Variants in CDH11 observed in about 807,000 individuals in gnomAD.
CDH11 encodes the protein cadherin-11.
CDH11 carries 11 observed loss-of-function variants against 67.8 expected under a neutral mutation model. That is an observed-to-expected ratio of 0.16 (90% CI 0.10 to 0.27). The LOEUF is 0.27. Among genes scored for constraint, CDH11 ranks in the 10% least tolerant of loss-of-function variants. CDH11 has a pLI of 1.00. For missense variants in CDH11, 847 were observed against 1,031.2 expected, an observed-to-expected ratio of 0.82 and a Z score of 2.45; for synonymous variants, 419 against 400.0, an observed-to-expected ratio of 1.05 and a Z score of -0.57.
chr16:65,058,106 C>G (rs2074176683), intron 1 of CDH11, among the ~76,000 whole-genome samples: 1 of 152,030 alleles, frequency 6.6e-6, no homozygotes, highest in Admixed American at 6.6e-5. Context: ...GCCTGTAGTC[C>G]CAGCTACTGA....
At chr16:65,065,970 T>C (rs1289836072) in intron 1 of CDH11, among the ~76,000 whole-genome samples, 1 of 152,268 alleles carries the variant, frequency 6.6e-6, no homozygotes. Context: ...GGTGAGTTAC[T>C]GATGCCACCT....
chr16:65,069,461 A>G (rs985474631), intron 1 of CDH11, among the ~76,000 whole-genome samples: 2 of 152,172 alleles, frequency 1.3e-5, no homozygotes, highest in Non-Finnish European at 2.9e-5. Flanking sequence ...TTAATCTTGT[A>G]GTCACTTCAT....
At chr16:64,968,791 A>G (rs2071917178) in intron 11 of CDH11, among the ~76,000 whole-genome samples, 1 of 152,232 alleles carries the variant, frequency 6.6e-6, no homozygotes, top group Non-Finnish European at 1.5e-5. Flanking sequence ...TTCTATGGAA[A>G]GCAGTCTCAG....
chr16:65,081,097 G>A (rs192658376), intron 1 of CDH11, among the ~76,000 whole-genome samples: 43 of 152,004 alleles, frequency 2.8e-4, no homozygotes, highest in African/African-American at 9.4e-4. Context: ...TACAATAATC[G>A]TTAATACTAT....
intron 6 of CDH11, among the ~76,000 whole-genome samples, chr16:64,989,292 G>A (rs965971925): frequency 6.6e-6 from 1 of 152,046 alleles, no homozygotes; most frequent in East Asian, 1.9e-4. Flanking sequence ...TTGTGTAAGA[G>A]TGTGAGTGTG....
At chr16:64,982,401 G>T in intron 7 of CDH11, 100 bp from the exon 8 acceptor site, 1 of 909,648 alleles carries the variant, frequency 1.1e-6, no homozygotes, top group Non-Finnish European at 1.7e-6. Flanking sequence ...ATTCCTCAAA[G>T]AGAGAAAATC....
intron 2 of CDH11, among the ~76,000 whole-genome samples, chr16:65,022,188 A>C (rs759092551): frequency 1.6e-4 from 25 of 152,160 alleles, no homozygotes; most frequent in Non-Finnish European, 3.4e-4. Context: ...AAAAGGAAAC[A>C]TATTTTAGAA....
rs184488801 is a variant in CDH11, at chr16:65,006,936, G to C, written c.-172-1895C>G. On this transcript the variant is annotated intron_variant, in intron 2 of 12. Transcript: ENST00000268603. Reference sequence around the variant, plus strand: ...CTGCCATCCACGTAAGATATGACTTGCTCCTCCTCGCCTTCAACTATAATT... The same window carrying C: ...CTGCCATCCACGTAAGATATGACTTCCTCCTCCTCGCCTTCAACTATAATT... The C allele has an allele frequency of 3.3e-5, 5 of 152,314 alleles. No individual in the cohort carries two copies. The East Asian group carries it at 9.7e-4, about 30-fold the overall frequency. 9.4% of individuals were successfully genotyped at this position (152,314 alleles called of 1,614,324 possible).
At position 64,945,283 on chromosome 16, in the gene CDH11, T is replaced by C. The variant is rs1415889095; in HGVS notation, c.*2320A>G. On this transcript the variant is annotated 3_prime_UTR_variant, in exon 13 of 13. Coordinates refer to ENST00000268603, the MANE Select transcript of CDH11 (RefSeq NM_001797.4). ...GAGTGTTCTACAAACAATAGAGGCT[T>C]AACGAAAAAATAAAAGGTAAAAAAA... 5 of 481,452 alleles carry C rather than the reference T, an allele frequency of 1.0e-5. No homozygotes were observed. The highest frequency in any genetic ancestry group is 4.9e-5 in the African/African-American group (2 of 40,704). The allele number at this position is 481,452 out of a possible 1,614,324, so 29.8% of individuals were successfully genotyped here. A position where few individuals can be genotyped will look rare whatever the true frequency, so the allele number is the denominator to read the frequency against.
At chr16:65,062,977 T>C (rs891432808) in intron 1 of CDH11, among the ~76,000 whole-genome samples, 1 of 152,224 alleles carries the variant, frequency 6.6e-6, no homozygotes, top group African/African-American at 2.4e-5. Context: ...TTAAATACAC[T>C]GGATTCACCC....
At chr16:65,111,460 G>A (rs779931009) in intron 1 of CDH11, among the ~76,000 whole-genome samples, 25 of 152,188 alleles carry the variant, frequency 1.6e-4, no homozygotes, top group Non-Finnish European at 2.6e-4. Flanking sequence ...ACAGGGACAG[G>A]TGGGGAAATG....
intron 1 of CDH11, among the ~76,000 whole-genome samples, chr16:65,096,443 G>GTGTGTGTGTGTATA (rs71143551): frequency 7.2e-6 from 1 of 138,436 alleles, no homozygotes; most frequent in Non-Finnish European, 1.5e-5. Flanking sequence ...GTGTGTGTGT[G>GTGTGTGTGTGTATA]TATATATATG....
intron 2 of CDH11, among the ~76,000 whole-genome samples, chr16:65,030,341 C>T (rs895751569): frequency 6.6e-6 from 1 of 152,178 alleles, no homozygotes; most frequent in Non-Finnish European, 1.5e-5. Context: ...TCTAATCTAA[C>T]TCAAAATCCT....
In CDH11 at chr16:64,994,128, T is replaced by C. The variant is rs146255219; in HGVS notation, c.524-1094A>G. On this transcript the variant is annotated intron_variant, in intron 4 of 12. Coordinates refer to ENST00000268603, the MANE Select transcript of CDH11 (RefSeq NM_001797.4). The stretch of plus-strand genomic sequence containing the variant: ...ACACAGCCTATCACTACCTTTAATT[T>C]ATAGGATTGTCAGTGATTTTTGTGT... Among the ~76,000 whole-genome samples, 4 of 152,290 alleles carry C rather than the reference T, an allele frequency of 2.6e-5. No homozygotes were observed. In the East Asian group the frequency reaches 7.7e-4, roughly 29 times the overall value.
chr16:65,053,714 C>A (rs1464480051), intron 2 of CDH11, 90 bp downstream of exon 2: 22 of 430,676 alleles, frequency 5.1e-5, no homozygotes, highest in Admixed American at 4.6e-4. Flanking sequence ...CCAAATCAAG[C>A]CACATTTGAG....
Position 64,991,897 on chromosome 16 carries a change from C to A in CDH11, c.682G>T (p.Ala228Ser), listed in dbSNP as rs148083048. The A allele has an allele frequency of 5.4e-5, 87 of 1,613,688 alleles. No individual in the cohort carries two copies. The Middle Eastern group carries it at 1.5e-3, about 28-fold the overall frequency. The change falls in exon 6 of 13, where the codon GCC becomes TCC. Residue 228 changes from alanine to serine, a missense_variant. Physicochemically the swap from Ala to Ser is moderately conservative, Grantham distance 99. Around this residue, in one of 2 missense-constraint regions of CDH11, gnomAD observed 235 missense variants for 352.5 expected, o/e 0.67. Transcript: ENST00000268603. ...RTALPNMDRE[A>S]KEEYHVVIQA... ...ATCACCACGTGGTACTCCTCCTTGG[C>A]CTCCCTGTCCATGTTGGGTAGGGCT... is the stretch of plus-strand genomic sequence containing the variant.
At chr16:64,978,306 T>C (rs1450938996) in intron 8 of CDH11, among the ~76,000 whole-genome samples, 1 of 152,224 alleles carries the variant, frequency 6.6e-6, no homozygotes, top group Non-Finnish European at 1.5e-5. Flanking sequence ...AGTGATGATC[T>C]ATAACAGGGG....
intron 1 of CDH11, among the ~76,000 whole-genome samples, chr16:65,102,492 T>A (rs2075008310): frequency 6.6e-6 from 1 of 152,236 alleles, no homozygotes; most frequent in African/African-American, 2.4e-5. Context: ...TACTCATGAC[T>A]GTAATACATT....
At chr16:64,957,398 C>A (rs143251766) in intron 11 of CDH11, among the ~76,000 whole-genome samples, 2 of 152,046 alleles carry the variant, frequency 1.3e-5, no homozygotes, top group Non-Finnish European at 2.9e-5. Flanking sequence ...GCCTACTCTA[C>A]GTTTCTTCCC....
Sources: gnomAD v4.1 joint callset for allele counts (sites outside exome capture counted in the v4.1 genomes callset) on GRCh38, gnomAD v4.1.1 for gene constraint, gnomAD v4.1.1 regional missense constraint, MANE v1.5 for transcripts, NCBI Gene and HGNC (gene_info 2026-07-23, HGNC 2026-07-21) for gene names.